Variants in RBFOX1 observed in about 807,000 individuals in gnomAD.
RBFOX1 encodes the protein RNA binding protein fox-1 homolog 1.
In RBFOX1, 8 loss-of-function variants were observed where a neutral mutation model predicts 57.7. The observed-to-expected ratio is 0.14, with a 90% CI of 0.08 to 0.25. The LOEUF (loss-of-function observed/expected upper bound fraction) is 0.25, where lower values mean the gene tolerates loss of function less well. RBFOX1 is among the 10% of genes least tolerant of loss of function. RBFOX1 has a pLI of 1.00. For missense variants in RBFOX1, 611 were observed against 548.5 expected (o/e 1.11, Z -1.14); for synonymous variants, 326 against 222.4 (o/e 1.47, Z -4.15).
chr16:5,890,221 A>G (rs1025763342), intron 4 of RBFOX1, among the ~76,000 whole-genome samples: 8 of 152,172 alleles, frequency 5.3e-5, no homozygotes, highest in African/African-American at 9.7e-5. Context: ...GTCCTCACCT[A>G]TGATAATAAT....
intron 14 of RBFOX1, among the ~76,000 whole-genome samples, chr16:7,680,783 G>C (rs1297103984): frequency 2.6e-5 from 4 of 152,120 alleles, no homozygotes; most frequent in African/African-American, 9.7e-5. Flanking sequence ...TGACAAAAAT[G>C]ACATATTGGC....
At chr16:7,306,902 C>T (rs1276944133) in intron 4 of RBFOX1, among the ~76,000 whole-genome samples, 1 of 152,158 alleles carries the variant, frequency 6.6e-6, no homozygotes, top group African/African-American at 2.4e-5. Flanking sequence ...GACACCACTA[C>T]TATATTTTTT....
At chr16:5,953,212 G>A (rs188267197) in intron 4 of RBFOX1, among the ~76,000 whole-genome samples, 1 of 152,152 alleles carries the variant, frequency 6.6e-6, no homozygotes, top group African/African-American at 2.4e-5. Flanking sequence ...CTCAGCTAGG[G>A]AATGATTTTG....
intron 3 of RBFOX1, among the ~76,000 whole-genome samples, chr16:5,732,728 C>G (rs1278164663): frequency 6.6e-6 from 1 of 152,154 alleles, no homozygotes; most frequent in Non-Finnish European, 1.5e-5. Context: ...CAATTATTTA[C>G]TACAAGTCAC....
intron 4 of RBFOX1, among the ~76,000 whole-genome samples, chr16:7,194,429 G>T (rs1459575678): frequency 1.3e-5 from 2 of 152,132 alleles, no homozygotes; most frequent in Non-Finnish European, 2.9e-5. Flanking sequence ...TATGATTATG[G>T]TACAGGATGA....
intron 2 of RBFOX1, among the ~76,000 whole-genome samples, chr16:6,632,900 A>T (rs1432389234): frequency 6.6e-6 from 1 of 152,190 alleles, no homozygotes; most frequent in Admixed American, 6.5e-5. Context: ...CTCAGACAGG[A>T]TGCTGATGGG....
At chr16:6,642,177 TCGTACTTTCTCTTC>T in intron 2 of RBFOX1, among the ~76,000 whole-genome samples, 1 of 152,194 alleles carries the variant, frequency 6.6e-6, no homozygotes, top group Admixed American at 6.5e-5. Context: ...CTTCCCAGGC[TCGTACTTTCTCTTC>T]GGTGCTGTAT....
chr16:5,530,933 TAAAAAAAAAAAAAAAAAAAAAAAAA>T (rs59311923), intron 2 of RBFOX1, among the ~76,000 whole-genome samples: 12 of 55,046 alleles, frequency 2.2e-4, no homozygotes, highest in African/African-American at 6.9e-4. Context: ...ACTAAAAATA[TAAAAAAAAAAAAAAAAAAAAAAAAA>T]AAAAAAAAAA....
chr16:5,611,705 C>CCCACCCACTCTCCCATCCGTCCATCTAT (rs2047796736), intron 3 of RBFOX1, among the ~76,000 whole-genome samples: 38 of 100,156 alleles, frequency 3.8e-4, no homozygotes, highest in African/African-American at 1.9e-3. Flanking sequence ...CACCCACTCT[C>CCCACCCACTCTCCCATCCGTCCATCTAT]CCATCCATCC....
chr16:5,486,964 A>T (rs4786033), intron 2 of RBFOX1, among the ~76,000 whole-genome samples: 1 of 151,602 alleles, frequency 6.6e-6, no homozygotes, highest in Non-Finnish European at 1.5e-5. Context: ...CTCAGTGGAG[A>T]CTCCGGTCCC....
chr16:6,442,269 C>T (rs975373319), intron 2 of RBFOX1, among the ~76,000 whole-genome samples: 1 of 152,078 alleles, frequency 6.6e-6, no homozygotes, highest in Non-Finnish European at 1.5e-5. Flanking sequence ...TAGAAATAAA[C>T]ACTGTTGGCC....
chr16:7,178,974 T>G (rs771918540), intron 4 of RBFOX1, among the ~76,000 whole-genome samples: 1 of 152,184 alleles, frequency 6.6e-6, no homozygotes, highest in Non-Finnish European at 1.5e-5. Context: ...CATTATAATT[T>G]TCGGTGGCAG....
chr16:6,535,212 G>C (rs915158968), intron 2 of RBFOX1, among the ~76,000 whole-genome samples: 1 of 152,192 alleles, frequency 6.6e-6, no homozygotes, highest in South Asian at 2.1e-4. Context: ...AAAATCCTCT[G>C]TTCTAAGCCA....
At chr16:6,638,704 T>A (rs1468930171) in intron 2 of RBFOX1, among the ~76,000 whole-genome samples, 4 of 152,184 alleles carry the variant, frequency 2.6e-5, no homozygotes, top group Non-Finnish European at 5.9e-5. Context: ...TTACGAGCAC[T>A]CATTCCGGAG....
At chr16:7,688,705 TGGTTG>T (rs1568468597) in intron 14 of RBFOX1, among the ~76,000 whole-genome samples, 10 of 152,114 alleles carry the variant, frequency 6.6e-5, no homozygotes, top group African/African-American at 2.4e-4. Flanking sequence ...AGAGTATAGA[TGGTTG>T]ATCTATAAAA....
In RBFOX1 at chr16:6,703,702, G is replaced by C. The variant is rs538459210; in HGVS notation, c.-16+49052G>C. On this transcript the variant is annotated intron_variant, in intron 3 of 15. Coordinates refer to ENST00000550418, the MANE Select transcript of RBFOX1 (RefSeq NM_018723.4). ...AGCCTGGATGACACAGTTAGACCCA[G>C]TTTCAAAAGAAAAAAAAGAAAAGAA... Among the ~76,000 whole-genome samples the C allele has an allele frequency of 2.0e-5, 3 of 151,950 alleles. No homozygotes were observed. In the South Asian group the frequency reaches 6.2e-4, roughly 32 times the overall value.
intron 3 of RBFOX1, among the ~76,000 whole-genome samples, chr16:6,966,801 G>GTCTGTCTC (rs1163460622): frequency 1.2e-4 from 18 of 149,156 alleles, no homozygotes; most frequent in African/African-American, 4.3e-4. Flanking sequence ...CTGTCTGTCT[G>GTCTGTCTC]TCTGTCTGTC....
At chr16:6,262,652 G>T (rs1177291513) in intron 1 of RBFOX1, among the ~76,000 whole-genome samples, 1 of 152,136 alleles carries the variant, frequency 6.6e-6, no homozygotes, top group African/African-American at 2.4e-5. Context: ...GTTATGTTCT[G>T]GGAAGAATCG....
chr16:6,429,787 C>A (rs9937148), intron 2 of RBFOX1, among the ~76,000 whole-genome samples: 2 of 152,132 alleles, frequency 1.3e-5, no homozygotes, highest in African/African-American at 4.8e-5. Context: ...CTTTGTCTTT[C>A]GTCATGAATG....
Sources: allele counts gnomAD v4.1 joint callset (sites outside exome capture counted in the v4.1 genomes callset), GRCh38; gene constraint gnomAD v4.1.1; transcripts MANE v1.5; gene names NCBI Gene and HGNC (gene_info 2026-07-23, HGNC 2026-07-21).